CCDC33: variants seen among roughly 807,000 people sequenced by gnomAD.
CCDC33 encodes the protein coiled-coil domain containing 33.
CCDC33 carries 94 observed loss-of-function variants against 91.9 expected under a neutral mutation model. The ratio of observed to expected loss-of-function variants is 1.02; its 90% CI spans 0.87 to 1.21. The LOEUF is 1.21. Ranked by LOEUF, CCDC33 falls within the 50% of genes most tolerant of loss-of-function variation. CCDC33 has a pLI of 0.00. For synonymous variants in CCDC33, 396 were observed against 374.5 expected, an observed-to-expected ratio of 1.06 and a Z score of -0.66; for missense variants, 940 against 935.5, an observed-to-expected ratio of 1.00 and a Z score of -0.06.
At chr15:74,249,357 G>A (rs1273259958) in intron 2 of CCDC33, among the ~76,000 whole-genome samples, 1 of 151,880 alleles carries the variant, frequency 6.6e-6, no homozygotes, top group African/African-American at 2.4e-5. Flanking sequence ...GTGTGGTGGC[G>A]GGTGCCTGTA....
intron 10 of CCDC33, among the ~76,000 whole-genome samples, chr15:74,293,551 C>A (rs2059623586): frequency 1.3e-5 from 2 of 151,986 alleles, no homozygotes; most frequent in Admixed American, 6.6e-5. Context: ...GGCCAGAAAA[C>A]CCTAAACCAT....
At chr15:74,205,583 C>T (rs2074241276) in intron 1 of CCDC33, among the ~76,000 whole-genome samples, 1 of 152,234 alleles carries the variant, frequency 6.6e-6, no homozygotes, top group Non-Finnish European at 1.5e-5. Context: ...ACTTCCAACA[C>T]TGGGGTCACA....
chr15:74,332,735 C>A lies in CCDC33; in HGVS notation c.1828C>A (p.Pro610Thr). 6.2e-7 allele frequency: 1 copy of A among 1,614,232 alleles called. No homozygotes were observed. Among genetic ancestry groups the A allele is most frequent in the Middle Eastern group, 1.6e-4 (1 of 6,062 alleles). ...LPLGSMGENL[P>T]VELYSVLLAE... ...CTTGGGTTCTATGGGAGAGAACCTG[C>A]CGGTTGAACTTTACTCGGTGCTGCT... The change falls in exon 16 of 19, where the codon CCG (proline) becomes ACG (threonine). Residue 610 changes from proline to threonine, a missense_variant. Physicochemically the swap from Pro to Thr is conservative, Grantham distance 38. Coordinates refer to ENST00000398814, the MANE Select transcript of CCDC33 (RefSeq NM_025055.5).
At chr15:74,327,254 C>T (rs1379192950) in intron 11 of CCDC33, among the ~76,000 whole-genome samples, 2 of 152,114 alleles carry the variant, frequency 1.3e-5, no homozygotes, top group Non-Finnish European at 2.9e-5. Flanking sequence ...GACAGGGACG[C>T]GGCCTCACCA....
intron 1 of CCDC33, chr15:74,208,119 G>T: frequency 9.3e-7 from 1 of 1,070,886 alleles, no homozygotes; most frequent in Non-Finnish European, 1.2e-6. Context: ...GAGGGTAGCC[G>T]GCTGTGCCAG....
chr15:74,252,424 G>A (rs1460529913), intron 2 of CCDC33, among the ~76,000 whole-genome samples: 1 of 152,212 alleles, frequency 6.6e-6, no homozygotes, highest in African/African-American at 2.4e-5. Flanking sequence ...CACAGTGACA[G>A]TGATCATGGG....
chr15:74,209,241 C>T, intron 1 of CCDC33: 1 of 1,152,092 alleles, frequency 8.7e-7, no homozygotes, highest in Non-Finnish European at 1.2e-6. Context: ...AAACCGTTTG[C>T]TCGAAACTTG....
At chr15:74,300,289 T>C (rs2059767968) in intron 11 of CCDC33, 1 of 152,312 alleles carries the variant, frequency 6.6e-6, no homozygotes, top group African/African-American at 2.4e-5. Flanking sequence ...CACACAGCCC[T>C]GCACCGCAGG....
intron 11 of CCDC33, among the ~76,000 whole-genome samples, chr15:74,310,977 T>C (rs1201754575): frequency 6.6e-6 from 1 of 151,810 alleles, no homozygotes; most frequent in Non-Finnish European, 1.5e-5. Flanking sequence ...CTGGCAGCAG[T>C]GAGGTGGTTT....
chr15:74,234,147 C>T (rs1261328082), upstream of CCDC33, among the ~76,000 whole-genome samples: 1 of 152,230 alleles, frequency 6.6e-6, no homozygotes, highest in African/African-American at 2.4e-5. Flanking sequence ...AAGAGCCAGC[C>T]CCAGATCCAG....
chr15:74,274,136 C>T lies in CCDC33; in HGVS notation c.759+1245C>T, dbSNP rs189620998. 2.5e-3 allele frequency among the ~76,000 whole-genome samples: 378 copies of T among 152,318 alleles called. 5 individuals are homozygous for T. Among genetic ancestry groups the T allele is most frequent in the East Asian group, 1.3e-3 (7 of 5,188 alleles). On this transcript the variant is annotated intron_variant, in intron 7 of 18. Coordinates refer to ENST00000398814, the MANE Select transcript of CCDC33 (RefSeq NM_025055.5). Reference sequence around the variant, plus strand: ...TGAGCCACTGCACTCAGCCGGCAGTCTTGAATTTTTAACAGAGGAAGGGTT... The same window carrying T: ...TGAGCCACTGCACTCAGCCGGCAGTTTTGAATTTTTAACAGAGGAAGGGTT...
Position 74,330,280 on chromosome 15 carries a change from G to T in CCDC33, c.1382G>T (p.Arg461Leu). 1.2e-6 allele frequency: 2 copies of T among 1,612,332 alleles called. No individual in the cohort carries two copies. The highest frequency in any genetic ancestry group is 1.7e-6 in the Non-Finnish European group (2 of 1,179,744). The part of the protein sequence containing the change: ...RQASILEGEN[R>L]ILRSRLAQQE... ...GCCAGCATCCTGGAAGGAGAGAACC[G>T]CATACTGAGGAGCCGCCTGGCCCAG... The change falls in exon 12 of 19, where the codon CGC becomes CTC. Residue 461 changes from arginine (R) to leucine (L), a missense_variant. Coordinates refer to ENST00000398814, the MANE Select transcript of CCDC33 (RefSeq NM_025055.5).
At chr15:74,204,442 C>A (rs2074209821) in intron 1 of CCDC33, among the ~76,000 whole-genome samples, 1 of 152,210 alleles carries the variant, frequency 6.6e-6, no homozygotes, top group South Asian at 2.1e-4. Context: ...AGCTGGGCTT[C>A]CCAGAGTCCC....
chr15:74,227,327 G>A (rs1276703504), intron 2 of CCDC33, among the ~76,000 whole-genome samples: 1 of 152,204 alleles, frequency 6.6e-6, no homozygotes, highest in Non-Finnish European at 1.5e-5. Context: ...CACTTTGCAA[G>A]CTGTTCCTTA....
chr15:74,245,348 T>C (rs12913344), intron 2 of CCDC33, among the ~76,000 whole-genome samples: 75,549 of 152,058 alleles, frequency 0.5, 22,384 homozygotes, highest in Non-Finnish European at 0.67. Flanking sequence ...GGTGAAACAC[T>C]TGCCTTAAAA....
chr15:74,326,802 G>A (rs1403067342), intron 11 of CCDC33, among the ~76,000 whole-genome samples: 1 of 152,228 alleles, frequency 6.6e-6, no homozygotes, highest in Non-Finnish European at 1.5e-5. Context: ...GAGGGGGCTG[G>A]AGGGGAGGGA....
upstream of CCDC33, chr15:74,212,860 C>T (rs2074381367): frequency 6.6e-6 from 1 of 152,142 alleles, no homozygotes; most frequent in Non-Finnish European, 1.5e-5. Context: ...CCAAAGCTAG[C>T]CATAAAGCCT....
chr15:74,247,411 A>G (rs2142292026), intron 2 of CCDC33, among the ~76,000 whole-genome samples: 1 of 152,046 alleles, frequency 6.6e-6, no homozygotes, highest in East Asian at 1.9e-4. Context: ...ATATACATAT[A>G]TTTGTATATA....
chr15:74,336,414 A>G (rs555372577), downstream of CCDC33: 1,019 of 1,307,474 alleles, frequency 7.8e-4, 3 homozygotes, highest in Non-Finnish European at 9.3e-4. Flanking sequence ...AATACGAGGG[A>G]GGCTTGTCCT....
Sources: allele counts gnomAD v4.1 joint callset (sites outside exome capture counted in the v4.1 genomes callset), GRCh38; gene constraint gnomAD v4.1.1; transcripts MANE v1.5; gene names NCBI Gene and HGNC (gene_info 2026-07-23, HGNC 2026-07-21).